The following TLK1 variants were observed in gnomAD, a reference collection of about 807,000 sequenced individuals.
TLK1 encodes tousled like kinase 1.
Under a neutral mutation model 105.3 loss-of-function variants are expected in TLK1, and 24 were observed. The ratio of observed to expected loss-of-function variants is 0.23; its 90% CI spans 0.17 to 0.32. The LOEUF is 0.32. Ranked by LOEUF, TLK1 falls within the 10% of genes least tolerant of loss-of-function variation. The pLI, the probability that TLK1 is intolerant of heterozygous loss-of-function variation, is 1.00. For synonymous variants in TLK1, 321 were observed against 310.4 expected (o/e 1.03, Z -0.36); for missense variants, 558 against 910.5 (o/e 0.61, Z 4.98).
chr2:171,071,958 T>G (rs1688279844), intron 3 of TLK1, among the ~76,000 whole-genome samples: 1 of 152,216 alleles, frequency 6.6e-6, no homozygotes, highest in African/African-American at 2.4e-5. Flanking sequence ...CTGATCTATG[T>G]GTCTGTTTTT....
intron 2 of TLK1, among the ~76,000 whole-genome samples, chr2:171,103,119 A>G (rs1054661097): frequency 1.3e-5 from 2 of 152,044 alleles, no homozygotes; most frequent in Admixed American, 6.6e-5. Flanking sequence ...GGCAGTTGTT[A>G]GCCTAACACT....
intron 3 of TLK1, among the ~76,000 whole-genome samples, chr2:171,077,139 C>T (rs1376741000): frequency 6.6e-6 from 1 of 152,182 alleles, no homozygotes; most frequent in Non-Finnish European, 1.5e-5. Flanking sequence ...AAATCCACAA[C>T]CCACTCACGC....
At chr2:171,019,550 T>C (rs1200207411) in intron 12 of TLK1, among the ~76,000 whole-genome samples, 3 of 152,228 alleles carry the variant, frequency 2.0e-5, no homozygotes, top group African/African-American at 4.8e-5. Flanking sequence ...TTTAAAGTTA[T>C]TTAGCAAATC....
chr2:171,133,757 GA>G (rs771796939), intron 1 of TLK1, among the ~76,000 whole-genome samples: 1 of 142,398 alleles, frequency 7.0e-6, no homozygotes, highest in South Asian at 2.2e-4. Flanking sequence ...TCAGACTTCT[GA>G]TTTTTTTTTT....
intron 1 of TLK1, among the ~76,000 whole-genome samples, chr2:171,177,153 CT>C (rs1483742829): frequency 7.0e-6 from 1 of 143,078 alleles, no homozygotes; most frequent in Non-Finnish European, 1.5e-5. Flanking sequence ...TTTTTCTTTT[CT>C]TTTTTGAGAC....
intron 2 of TLK1, among the ~76,000 whole-genome samples, chr2:171,116,327 AAAGT>A (rs1690425113): frequency 1.3e-5 from 2 of 152,240 alleles, no homozygotes; most frequent in Admixed American, 6.5e-5. Context: ...TTCAAAAAAG[AAAGT>A]AATACTAATA....
At position 171,101,797 on chromosome 2, in the gene TLK1, G is replaced by T. The variant is rs546968068; in HGVS notation, c.258+15942C>A. Reference sequence around the variant, plus strand: ...AGACTTGAGGCCTTCAAAAGAATAGGTTTTTTTAAAAAACACCCATGAGAC... The same window carrying T: ...AGACTTGAGGCCTTCAAAAGAATAGTTTTTTTTAAAAAACACCCATGAGAC... On this transcript the variant is annotated intron_variant, in intron 2 of 20. Coordinates refer to ENST00000431350, the MANE Select transcript of TLK1 (RefSeq NM_012290.5). Among the ~76,000 whole-genome samples the T allele has an allele frequency of 2.0e-5, 3 of 152,008 alleles. No homozygotes were observed. In the East Asian group the frequency reaches 5.8e-4, roughly 29 times the overall value.
intron 10 of TLK1, among the ~76,000 whole-genome samples, chr2:171,047,048 G>A (rs1004574650): frequency 6.6e-6 from 1 of 152,006 alleles, no homozygotes; most frequent in Admixed American, 6.6e-5. Flanking sequence ...AGGGGAAAAA[G>A]ACAAGAAAAT....
chr2:171,009,756 T>G (rs1286828957), intron 14 of TLK1, among the ~76,000 whole-genome samples: 2 of 152,196 alleles, frequency 1.3e-5, no homozygotes, highest in Admixed American at 6.5e-5. Flanking sequence ...GGGATTTAAA[T>G]AAGAAGCCCA....
chr2:171,226,149 A>T (rs978318511), intron 1 of TLK1, among the ~76,000 whole-genome samples: 3 of 152,170 alleles, frequency 2.0e-5, no homozygotes, highest in Admixed American at 6.5e-5. Flanking sequence ...ATGTAGTGAG[A>T]ATGAGAAATA....
intron 1 of TLK1, among the ~76,000 whole-genome samples, chr2:171,180,053 C>T (rs905284225): frequency 6.1e-5 from 9 of 146,462 alleles, no homozygotes; most frequent in African/African-American, 1.3e-4. Context: ...TGAGATCTCA[C>T]GACTGCACTC....
chr2:171,083,704 G>A (rs190292355), intron 2 of TLK1, among the ~76,000 whole-genome samples: 9 of 152,260 alleles, frequency 5.9e-5, no homozygotes, highest in African/African-American at 2.2e-4. Context: ...TTAACAGGTT[G>A]CCAGTTAGAC....
At chr2:171,157,462 TAACAGAACCACA>T (rs1400481295) in intron 1 of TLK1, among the ~76,000 whole-genome samples, 1 of 152,202 alleles carries the variant, frequency 6.6e-6, no homozygotes, top group Non-Finnish European at 1.5e-5. Flanking sequence ...TGAACTCCTC[TAACAGAACCACA>T]AGACTGACAA....
intron 10 of TLK1, among the ~76,000 whole-genome samples, chr2:171,048,209 A>G (rs1267544545): frequency 6.8e-6 from 1 of 146,090 alleles, no homozygotes; most frequent in African/African-American, 2.5e-5. Context: ...TCGGCCTCCC[A>G]AAGTGCTGGG....
intron 1 of TLK1, among the ~76,000 whole-genome samples, chr2:171,166,341 A>G (rs747664611): frequency 6.6e-6 from 1 of 152,354 alleles, no homozygotes; most frequent in South Asian, 2.1e-4. Flanking sequence ...GAGCCAACCA[A>G]CTACCTACAC....
upstream of TLK1, among the ~76,000 whole-genome samples, chr2:171,163,334 A>T (rs1692550451): frequency 6.6e-6 from 1 of 152,218 alleles, no homozygotes; most frequent in African/African-American, 2.4e-5. Flanking sequence ...TCCCTTGGAT[A>T]CATACCCAGG....
At chr2:171,056,125 A>G (rs1177778306) in intron 6 of TLK1, among the ~76,000 whole-genome samples, 1 of 152,048 alleles carries the variant, frequency 6.6e-6, no homozygotes, top group African/African-American at 2.4e-5. Flanking sequence ...AAGAAATTCA[A>G]TTGTTAAGAA....
intron 2 of TLK1, among the ~76,000 whole-genome samples, chr2:171,105,283 TCAAA>T (rs1430031930): frequency 6.6e-6 from 1 of 152,176 alleles, no homozygotes; most frequent in Non-Finnish European, 1.5e-5. Flanking sequence ...TACAAGGAAC[TCAAA>T]CAACTCAACA....
intron 1 of TLK1, among the ~76,000 whole-genome samples, chr2:171,196,999 G>T (rs1047873653): frequency 6.6e-6 from 1 of 152,192 alleles, no homozygotes; most frequent in African/African-American, 2.4e-5. Flanking sequence ...TGGGCCTTTA[G>T]TTGGACTAGA....
Sources: allele counts gnomAD v4.1 joint callset (sites outside exome capture counted in the v4.1 genomes callset), GRCh38; gene constraint gnomAD v4.1.1; transcripts MANE v1.5; gene names NCBI Gene and HGNC (gene_info 2026-07-23, HGNC 2026-07-21).